Variants in OR4C13 observed in about 807,000 individuals in gnomAD.
The protein encoded by OR4C13 is olfactory receptor 4C13.
A neutral mutation model predicts 14.7 loss-of-function variants in OR4C13; 23 were observed. That is an observed-to-expected ratio of 1.57 (90% CI 1.13 to 2.22). OR4C13 has a LOEUF of 2.22. OR4C13 is among the 30% of genes most tolerant of loss of function. The pLI is 0.00. For synonymous variants in OR4C13, 178 were observed against 135.5 expected, an observed-to-expected ratio of 1.31 and a Z score of -2.18; for missense variants, 504 against 368.6, an observed-to-expected ratio of 1.37 and a Z score of -3.01.
Position 49,953,196 on chromosome 11 carries a change from A to T in OR4C13, c.774A>T (p.Arg258Ser), listed in dbSNP as rs1853667978. 1.9e-6 allele frequency: 3 copies of T among 1,613,330 alleles called. No individual in the cohort carries two copies. In the African/African-American group the frequency reaches 4.0e-5, roughly 22 times the overall value. Residue 258 changes from arginine (R) to serine (S), a missense_variant, in exon 1 of 1, where the codon AGA (arginine) becomes AGT (serine). Transcript: ENST00000555099. ...TACCCTGCATATTTGTGTACATGAGACCTCCAGCTACTTTACCCATTGATA... is the reference window on the plus strand; with the variant it reads ...TACCCTGCATATTTGTGTACATGAGTCCTCCAGCTACTTTACCCATTGATA... ...SFIPCIFVYM[R>S]PPATLPIDKA...
rs1555015826 is a variant in OR4C13, at chr11:49,952,951, T to C, written c.529T>C (p.Cys177Arg). ...TCCTAATGTCATAGATCACTTTATG[T>C]GTGATCTCTACACTTTGATCAATCT... Reference protein sequence around the residue: ...CGPNVIDHFMCDLYTLINLAC... With the variant: ...CGPNVIDHFMRDLYTLINLAC... Residue 177 changes from cysteine (C) to arginine (R), a missense_variant, in exon 1 of 1, where the codon TGT (cysteine) becomes CGT (arginine). By Grantham distance (180) the Cys-to-Arg change is radical. Transcript: ENST00000555099. 20 of 1,613,622 alleles carry C rather than the reference T, an allele frequency of 1.2e-5. No individual in the cohort carries two copies. The highest frequency in any genetic ancestry group is 1.7e-5 in the Non-Finnish European group (20 of 1,179,612).
In OR4C13 at chr11:49,952,725, A is replaced by G; in HGVS notation, c.303A>G (p.Gly101=). The G allele has an allele frequency of 1.2e-6, 2 of 1,614,106 alleles. No individual in the cohort carries two copies. The highest frequency in any genetic ancestry group is 2.2e-5 in the South Asian group (2 of 91,086). The stretch of plus-strand genomic sequence containing the variant: ...ATGGATGTATGACTCAAGTCTTTGG[A>G]GAACATTTTTTCAGAGGTGTTGAGG... The part of the protein sequence containing the change: ...LFNGCMTQVF[G]EHFFRGVEVI... Residue 101 remains glycine (G), a synonymous_variant, in exon 1 of 1, where the codon GGA becomes GGG. Coordinates refer to ENST00000555099, the MANE Select transcript of OR4C13 (RefSeq NM_001001955.2).
chr11:49,953,298 G>GA lies in OR4C13; in HGVS notation c.881dup (p.Asn294LysfsTer4), dbSNP rs1206702347. The stretch of plus-strand genomic sequence containing the variant: ...TCTACACCTTGAGGAATGCTCAAAT[G>GA]AAAAATGCCATTAGGAAATTGTGTA... On this transcript the variant is annotated frameshift_variant, in exon 1 of 1. Coordinates refer to ENST00000555099, the MANE Select transcript of OR4C13 (RefSeq NM_001001955.2). LOFTEE classifies it high-confidence loss of function. The GA allele has an allele frequency of 6.2e-7, 1 of 1,605,796 alleles. No homozygotes were observed. The highest frequency in any genetic ancestry group is 8.5e-7 in the Non-Finnish European group (1 of 1,177,272).
chr11:49,952,476 T>G lies in OR4C13; in HGVS notation c.54T>G (p.Asn18Lys). The change falls in exon 1 of 1, where the codon AAT becomes AAG. Residue 18 changes from asparagine (N) to lysine (K), a missense_variant. Asn to Lys is a moderately conservative substitution (Grantham distance 94). Transcript: ENST00000555099. ...TTATTCTATTGGGGCTTACAGAGAA[T>G]CCAAAAATGCAGAAAATCATATTTG... ...TEFILLGLTE[N>K]PKMQKIIFVV... The G allele has an allele frequency of 6.2e-7, 1 of 1,613,492 alleles. No homozygotes were observed. The highest frequency in any genetic ancestry group is 8.5e-7 in the Non-Finnish European group (1 of 1,179,448).
chr11:49,953,063 T>C lies in OR4C13; in HGVS notation c.641T>C (p.Val214Ala), dbSNP rs782674286. The C allele has an allele frequency of 1.9e-6, 3 of 1,613,778 alleles. No homozygotes were observed. In the South Asian group the frequency reaches 3.3e-5, roughly 18 times the overall value. The change falls in exon 1 of 1, where the codon GTC becomes GCC. Residue 214 changes from valine (V) to alanine (A), a missense_variant. Val to Ala is a moderately conservative substitution (Grantham distance 64). Transcript: ENST00000555099. ...ICLLNCLLLL[V>A]SCVVILYSLK... is the part of the protein sequence containing the mutation. Reference sequence around the variant, plus strand: ...CTGTTAAACTGTCTCTTGCTCCTGGTCTCCTGCGTGGTCATACTGTACTCC... The same window carrying C: ...CTGTTAAACTGTCTCTTGCTCCTGGCCTCCTGCGTGGTCATACTGTACTCC...
At position 49,953,095 on chromosome 11, in the gene OR4C13, AC is replaced by A; in HGVS notation, c.676del (p.His226ThrfsTer3). The A allele has an allele frequency of 6.2e-7, 1 of 1,613,806 alleles. No individual in the cohort carries two copies. Among genetic ancestry groups the A allele is most frequent in the Non-Finnish European group, 8.5e-7 (1 of 1,179,808 alleles). ...SCVVILYSLK[T>X]HSLEARHEAL... Reference sequence around the variant, plus strand: ...CGTGGTCATACTGTACTCCTTAAAGACCCACAGCTTAGAGGCAAGGCACGAA... The same window carrying A: ...CGTGGTCATACTGTACTCCTTAAAGACCACAGCTTAGAGGCAAGGCACGAA... On this transcript the variant is annotated frameshift_variant, in exon 1 of 1. Coordinates refer to ENST00000555099, the MANE Select transcript of OR4C13 (RefSeq NM_001001955.2). LOFTEE classifies it high-confidence loss of function.
chr11:49,952,922 G>A lies in OR4C13; in HGVS notation c.500G>A (p.Cys167Tyr), dbSNP rs1555015817. Residue 167 changes from cysteine to tyrosine, a missense_variant, in exon 1 of 1, where the codon TGT (cysteine) becomes TAT (tyrosine). Physicochemically the swap from Cys to Tyr is radical, Grantham distance 194. Transcript: ENST00000555099. Reference protein sequence around the residue: ...QILFICQLPFCGPNVIDHFMC... With the variant: ...QILFICQLPFYGPNVIDHFMC... ...CTCTTCATCTGTCAATTACCTTTCT[G>A]TGGTCCTAATGTCATAGATCACTTT... 1.6e-5 allele frequency: 26 copies of A among 1,613,820 alleles called. No homozygotes were observed. Among genetic ancestry groups the A allele is most frequent in the Non-Finnish European group, 2.0e-5 (24 of 1,179,916 alleles).
At position 49,953,097 on chromosome 11, in the gene OR4C13, C is replaced by T. The variant is rs117023546; in HGVS notation, c.675C>T (p.Thr225=). 0.012 allele frequency: 20,004 copies of T among 1,613,786 alleles called. 180 individuals are homozygous for T. The highest frequency in any genetic ancestry group is 0.013 in the Non-Finnish European group (15,818 of 1,179,798). ...SCVVILYSLK[T]HSLEARHEAL... is the part of the protein sequence containing the mutation. The stretch of plus-strand genomic sequence containing the variant: ...TGGTCATACTGTACTCCTTAAAGAC[C>T]CACAGCTTAGAGGCAAGGCACGAAG... The change falls in exon 1 of 1, where the codon ACC becomes ACT. Residue 225 remains threonine, a synonymous_variant. Transcript: ENST00000555099.
chr11:49,953,198 C>T lies in OR4C13; in HGVS notation c.776C>T (p.Pro259Leu), dbSNP rs782767330. ...CCCTGCATATTTGTGTACATGAGAC[C>T]TCCAGCTACTTTACCCATTGATAAA... The part of the protein sequence containing the change: ...FIPCIFVYMR[P>L]PATLPIDKAV... The change falls in exon 1 of 1, where the codon CCT becomes CTT. Residue 259 changes from proline (P) to leucine (L), a missense_variant. Coordinates refer to ENST00000555099, the MANE Select transcript of OR4C13 (RefSeq NM_001001955.2). 3 of 1,613,394 alleles carry T rather than the reference C, an allele frequency of 1.9e-6. No individual in the cohort carries two copies. Among genetic ancestry groups the T allele is most frequent in the Admixed American group, 1.7e-5 (1 of 59,986 alleles).
rs782492791 is a variant in OR4C13, at chr11:49,953,346, C to G, written c.924C>G (p.Val308=). Residue 308 remains valine (V), a synonymous_variant, in exon 1 of 1, where the codon GTC becomes GTG. Coordinates refer to ENST00000555099, the MANE Select transcript of OR4C13 (RefSeq NM_001001955.2). ...GTAGTAGGAAAGCTATTTCAAGTGTCAAATAAATGTGACTGGAGCCCAACA... is the reference window on the plus strand; with the variant it reads ...GTAGTAGGAAAGCTATTTCAAGTGTGAAATAAATGTGACTGGAGCCCAACA... ...KLCSRKAISS[V]K 11 of 1,532,596 alleles carry G rather than the reference C, an allele frequency of 7.2e-6. No individual in the cohort carries two copies. The highest frequency in any genetic ancestry group is 9.7e-6 in the Non-Finnish European group (11 of 1,131,654). 94.9% of individuals were successfully genotyped at this position (1,532,596 alleles called of 1,614,324 possible).
At position 49,953,009 on chromosome 11, in the gene OR4C13, T is replaced by G; in HGVS notation, c.587T>G (p.Phe196Cys). Residue 196 changes from phenylalanine (F) to cysteine (C), a missense_variant, in exon 1 of 1, where the codon TTC becomes TGC. Transcript: ENST00000555099. ...ACTAATACCCACACTCTAGGACTCT[T>G]CATTGCTGCCAACAGTGGGTTCATA... ...ACTNTHTLGLFIAANSGFICL... is the reference protein window; with the variant it reads ...ACTNTHTLGLCIAANSGFICL... The G allele has an allele frequency of 6.2e-7, 1 of 1,613,916 alleles. No individual in the cohort carries two copies. The highest frequency in any genetic ancestry group is 8.5e-7 in the Non-Finnish European group (1 of 1,179,814).
At position 49,952,486 on chromosome 11, in the gene OR4C13, C is replaced by A. The variant is rs372081598; in HGVS notation, c.64C>A (p.Gln22Lys). 6.2e-7 allele frequency: 1 copy of A among 1,613,280 alleles called. No individual in the cohort carries two copies. The highest frequency in any genetic ancestry group is 8.5e-7 in the Non-Finnish European group (1 of 1,179,392). ...GGGGCTTACAGAGAATCCAAAAATG[C>A]AGAAAATCATATTTGTTGTGTTTTC... ...LLGLTENPKM[Q>K]KIIFVVFSVI... The change falls in exon 1 of 1, where the codon CAG becomes AAG. Residue 22 changes from glutamine (Q) to lysine (K), a missense_variant. By Grantham distance (53) the Gln-to-Lys change is moderately conservative. Transcript: ENST00000555099.
In OR4C13 at chr11:49,952,707, T is replaced by C; in HGVS notation, c.285T>C (p.Cys95=). The stretch of plus-strand genomic sequence containing the variant: ...ACAAGACTATCTTATTCAATGGATG[T>C]ATGACTCAAGTCTTTGGAGAACATT... ...YENKTILFNG[C]MTQVFGEHFF... is the part of the protein sequence containing the mutation. The change falls in exon 1 of 1, where the codon TGT becomes TGC. Residue 95 remains cysteine (C), a synonymous_variant. Transcript: ENST00000555099. 4 of 1,614,122 alleles carry C rather than the reference T, an allele frequency of 2.5e-6. No homozygotes were observed. The highest frequency in any genetic ancestry group is 8.5e-7 in the Non-Finnish European group (1 of 1,179,980).
In OR4C13 at chr11:49,953,342, G is replaced by A; in HGVS notation, c.920G>A (p.Ser307Asn). The A allele has an allele frequency of 6.4e-7, 1 of 1,552,848 alleles. No individual in the cohort carries two copies. Among genetic ancestry groups the A allele is most frequent in the Non-Finnish European group, 8.7e-7 (1 of 1,146,898 alleles). Residue 307 changes from serine to asparagine, a missense_variant, in exon 1 of 1, where the codon AGT becomes AAT. Physicochemically the swap from Ser to Asn is conservative, Grantham distance 46. Coordinates refer to ENST00000555099, the MANE Select transcript of OR4C13 (RefSeq NM_001001955.2). ...RKLCSRKAISSVK is the reference protein window; with the variant it reads ...RKLCSRKAISNVK ...TTGTGTAGTAGGAAAGCTATTTCAA[G>A]TGTCAAATAAATGTGACTGGAGCCC...
rs377400558 is a variant in OR4C13, at chr11:49,953,265, C to G, written c.843C>G (p.Asn281Lys). ...ACACTATGATAACTTCTATGTTAAA[C>G]CCCTTAATCTACACCTTGAGGAATG... ...VFYTMITSMLNPLIYTLRNAQ... is the reference protein window; with the variant it reads ...VFYTMITSMLKPLIYTLRNAQ... Residue 281 changes from asparagine (N) to lysine (K), a missense_variant, in exon 1 of 1, where the codon AAC becomes AAG. Transcript: ENST00000555099. 2.7e-5 allele frequency: 44 copies of G among 1,611,548 alleles called. No homozygotes were observed. The highest frequency in any genetic ancestry group is 8.5e-7 in the Non-Finnish European group (1 of 1,179,210).
rs782202148 is a variant in OR4C13, at chr11:49,952,631, G to A, written c.209G>A (p.Cys70Tyr). Reference protein sequence around the residue: ...FLAYLSFIDACYSSVNTPKLI... With the variant: ...FLAYLSFIDAYYSSVNTPKLI... The stretch of plus-strand genomic sequence containing the variant: ...GCCTATCTCTCCTTTATTGATGCCT[G>A]CTATTCCTCTGTCAATACCCCTAAG... The change falls in exon 1 of 1, where the codon TGC becomes TAC. Residue 70 changes from cysteine to tyrosine, a missense_variant. Coordinates refer to ENST00000555099, the MANE Select transcript of OR4C13 (RefSeq NM_001001955.2). The A allele has an allele frequency of 4.3e-6, 7 of 1,613,688 alleles. No individual in the cohort carries two copies. The highest frequency in any genetic ancestry group is 5.9e-6 in the Non-Finnish European group (7 of 1,179,754).
chr11:49,952,737 C>T lies in OR4C13; in HGVS notation c.315C>T (p.Phe105=). 1 of 1,614,028 alleles carries T rather than the reference C, an allele frequency of 6.2e-7. No homozygotes were observed. Among genetic ancestry groups the T allele is most frequent in the Non-Finnish European group, 8.5e-7 (1 of 1,179,946 alleles). ...CTCAAGTCTTTGGAGAACATTTTTT[C>T]AGAGGTGTTGAGGTCATCCTACTTA... ...CMTQVFGEHF[F]RGVEVILLTV... The change falls in exon 1 of 1, where the codon TTC becomes TTT. Residue 105 remains phenylalanine (F), a synonymous_variant. Coordinates refer to ENST00000555099, the MANE Select transcript of OR4C13 (RefSeq NM_001001955.2).
chr11:49,953,351 A>C lies in OR4C13; in HGVS notation c.929A>C (p.Ter310SerextTer2). The stretch of plus-strand genomic sequence containing the variant: ...AGGAAAGCTATTTCAAGTGTCAAAT[A>C]AATGTGACTGGAGCCCAACATGATT... ...CSRKAISSVK* is the reference protein window; with the variant it reads ...CSRKAISSVKS The change falls in exon 1 of 1, where the codon TAA becomes TCA. Residue 310 changes from the stop codon to serine (S), a stop_lost. Coordinates refer to ENST00000555099, the MANE Select transcript of OR4C13 (RefSeq NM_001001955.2). 6.6e-7 allele frequency: 1 copy of C among 1,517,068 alleles called. No homozygotes were observed. Among genetic ancestry groups the C allele is most frequent in the Non-Finnish European group, 8.9e-7 (1 of 1,119,372 alleles). 94.0% of individuals were successfully genotyped at this position (1,517,068 alleles called of 1,614,324 possible).
In OR4C13 at chr11:49,952,597, T is replaced by G; in HGVS notation, c.175T>G (p.Phe59Val). ...CCCATCACTGAGATCCCCCATGTAC[T>G]TTTTCCTGGCCTATCTCTCCTTTAT... ...ASPSLRSPMYFFLAYLSFIDA... is the reference protein window; with the variant it reads ...ASPSLRSPMYVFLAYLSFIDA... Residue 59 changes from phenylalanine (F) to valine (V), a missense_variant, in exon 1 of 1, where the codon TTT becomes GTT. By Grantham distance (50) the Phe-to-Val change is conservative (BLOSUM62 -1). Coordinates refer to ENST00000555099, the MANE Select transcript of OR4C13 (RefSeq NM_001001955.2). 1.2e-6 allele frequency: 2 copies of G among 1,613,860 alleles called. No individual in the cohort carries two copies. The highest frequency in any genetic ancestry group is 1.7e-6 in the Non-Finnish European group (2 of 1,179,786).
Sources: allele counts gnomAD v4.1 joint callset, GRCh38; gene constraint gnomAD v4.1.1; transcripts MANE v1.5; gene names NCBI Gene and HGNC (gene_info 2026-07-23, HGNC 2026-07-21).